DPF3: variants seen among roughly 807,000 people sequenced by gnomAD.
The protein encoded by DPF3 is zinc finger protein DPF3.
Under a neutral mutation model 56.8 loss-of-function variants are expected in DPF3, and 18 were observed. That is an observed-to-expected ratio of 0.32 (90% CI 0.22 to 0.47). DPF3 has a LOEUF of 0.47. DPF3 is among the 20% of genes least tolerant of loss of function. The pLI, the probability that DPF3 is intolerant of heterozygous loss-of-function variation, is 1.00. For synonymous variants in DPF3, 188 were observed against 180.2 expected, an observed-to-expected ratio of 1.04 and a Z score of -0.35; for missense variants, 403 against 488.8, an observed-to-expected ratio of 0.82 and a Z score of 1.65.
At chr14:72,823,369 G>A (rs1883638509) in intron 1 of DPF3, among the ~76,000 whole-genome samples, 1 of 152,176 alleles carries the variant, frequency 6.6e-6, no homozygotes. Context: ...GAGGAACAAG[G>A]GAGAGAAGGA....
intron 1 of DPF3, among the ~76,000 whole-genome samples, chr14:72,861,795 G>GAAAGAAAGAAAGA (rs1885446789): frequency 6.6e-6 from 1 of 150,712 alleles, no homozygotes; most frequent in Non-Finnish European, 1.5e-5. Flanking sequence ...AAGAAAGAAA[G>GAAAGAAAGAAAGA]AAAGAAAGAA....
At chr14:72,842,315 C>T (rs1463201292) in intron 1 of DPF3, among the ~76,000 whole-genome samples, 3 of 152,058 alleles carry the variant, frequency 2.0e-5, no homozygotes, top group Non-Finnish European at 4.4e-5. Flanking sequence ...AAGACCCAGA[C>T]CAAAAACTAC....
intron 1 of DPF3, among the ~76,000 whole-genome samples, chr14:72,858,308 C>CAAAAAA (rs34498163): frequency 8.3e-6 from 1 of 119,854 alleles, no homozygotes; most frequent in Non-Finnish European, 1.7e-5. Context: ...GACTCTATCT[C>CAAAAAA]AAAAAAAAAA....
rs550249322 is a variant in DPF3, at chr14:72,869,436, T to C, written c.32+24621A>G. 9.2e-5 allele frequency among the ~76,000 whole-genome samples: 14 copies of C among 152,288 alleles called. No homozygotes were observed. In the South Asian group the frequency reaches 2.9e-3, roughly 32 times the overall value. On this transcript the variant is annotated intron_variant, in intron 1 of 10. Coordinates refer to ENST00000556509, the MANE Select transcript of DPF3 (RefSeq NM_001280542.3). ...CATAAATGCCCAGTGCACTGTGGTC[T>C]GGGGAGACATGGATGAAGAAAAAAA...
chr14:72,767,733 T>C (rs1316345700), intron 2 of DPF3, among the ~76,000 whole-genome samples: 3 of 41,094 alleles, frequency 7.3e-5, no homozygotes, highest in Non-Finnish European at 1.6e-4. Context: ...TTCAAAGAAA[T>C]AATGGCTGAA....
chr14:72,631,549 G>A (rs1885170896), intron 8 of DPF3, among the ~76,000 whole-genome samples: 2 of 152,124 alleles, frequency 1.3e-5, no homozygotes, highest in East Asian at 3.9e-4. Context: ...GCATGAACAT[G>A]AGGTCATGGA....
At chr14:72,712,389 G>C (rs991070185) in intron 6 of DPF3, among the ~76,000 whole-genome samples, 2 of 152,202 alleles carry the variant, frequency 1.3e-5, no homozygotes, top group Non-Finnish European at 2.9e-5. Context: ...GCAGAAGTCA[G>C]AGGCAAAGGT....
rs10545910 is a variant in DPF3 at position 72,881,294 on chromosome 14, C to CTGTTGTTGTTGT, written c.32+12751_32+12762dup. ...AGATCTCATTCTCTAAAATTCAGAG[C>CTGTTGTTGTTGT]TGTTGTTGTTGTTGTTGTTGTTGTT... On this transcript the variant is annotated intron_variant, in intron 1 of 10. Transcript: ENST00000556509. Among the ~76,000 whole-genome samples the CTGTTGTTGTTGT allele has an allele frequency of 1.1e-3, 163 of 151,150 alleles. 1 individual carries two copies. The highest frequency in any genetic ancestry group is 3.2e-3 in the Admixed American group (48 of 15,168).
At chr14:72,688,220 G>A (rs908128983) in intron 7 of DPF3, among the ~76,000 whole-genome samples, 3 of 131,354 alleles carry the variant, frequency 2.3e-5, no homozygotes. Flanking sequence ...GTGGGTGGAT[G>A]GATGGATGGA....
chr14:72,875,281 C>T (rs1886068696), intron 1 of DPF3, among the ~76,000 whole-genome samples: 1 of 152,098 alleles, frequency 6.6e-6, no homozygotes, highest in Non-Finnish European at 1.5e-5. Flanking sequence ...GTGGTGCACA[C>T]CTGTGGTCCC....
chr14:72,619,369 T>A lies in DPF3; in HGVS notation c.1067-2A>T, dbSNP rs1884277711. On this transcript the variant is annotated splice_acceptor_variant, in intron 10 of 10. Coordinates refer to ENST00000556509, the MANE Select transcript of DPF3 (RefSeq NM_001280542.3). LOFTEE classifies it high-confidence loss of function. ...AGCATAAGTGGCAGCTCCAGCTTCC[T>A]GCAAGAAATGAGACGGCTTTAGTAG... 3 of 1,536,006 alleles carry A rather than the reference T, an allele frequency of 2.0e-6. No homozygotes were observed. The highest frequency in any genetic ancestry group is 1.4e-5 in the African/African-American group (1 of 73,048).
At chr14:72,710,843 G>C (rs1347599798) in intron 6 of DPF3, among the ~76,000 whole-genome samples, 2 of 152,218 alleles carry the variant, frequency 1.3e-5, no homozygotes, top group Admixed American at 1.3e-4. Context: ...AATTAAAAGA[G>C]ACTGGTTACT....
intron 3 of DPF3, among the ~76,000 whole-genome samples, chr14:72,743,879 C>A (rs974986532): frequency 6.6e-6 from 1 of 152,216 alleles, no homozygotes; most frequent in African/African-American, 2.4e-5. Context: ...ACCTTGCATT[C>A]GCCTCTGTGG....
Position 72,714,408 on chromosome 14 carries a change from C to G in DPF3, c.604+15G>C. On this transcript the variant is annotated intron_variant, in intron 6 of 10. Coordinates refer to ENST00000556509, the MANE Select transcript of DPF3 (RefSeq NM_001280542.3). ...CGCACAGGGAGGAAGGAAGGTGGGACCGGCCCATACTTACTGTCACAGACG... is the reference window on the plus strand; with the variant it reads ...CGCACAGGGAGGAAGGAAGGTGGGAGCGGCCCATACTTACTGTCACAGACG... The G allele has an allele frequency of 6.2e-7, 1 of 1,612,964 alleles. No individual in the cohort carries two copies.
chr14:72,857,735 C>G (rs987750126), intron 1 of DPF3, among the ~76,000 whole-genome samples: 4 of 152,010 alleles, frequency 2.6e-5, no homozygotes, highest in South Asian at 4.2e-4. Flanking sequence ...TACAGGCACA[C>G]GCCACCATGC....
chr14:72,875,560 T>C (rs775840869), intron 1 of DPF3, among the ~76,000 whole-genome samples: 7 of 152,218 alleles, frequency 4.6e-5, no homozygotes, highest in Non-Finnish European at 7.3e-5. Context: ...CCCAAGGCCA[T>C]AGGGCTTGAA....
In DPF3 at chr14:72,892,397, C is replaced by T. The variant is rs1425038686; in HGVS notation, c.32+1660G>A. On this transcript the variant is annotated intron_variant, in intron 1 of 10. Coordinates refer to ENST00000556509, the MANE Select transcript of DPF3 (RefSeq NM_001280542.3). ...TTCAAGCGCAGTGTATCCGAGCTTC[C>T]GAGCCAGAACTGAAGCCAGGAGCTC... 12 of 1,506,014 alleles carry T rather than the reference C, an allele frequency of 8.0e-6. No homozygotes were observed. The South Asian group carries it at 1.2e-4, about 14-fold the overall frequency. The allele number at this position is 1,506,014 out of a possible 1,614,324, so 93.3% of individuals were successfully genotyped here. A position where few individuals can be genotyped will look rare whatever the true frequency, so the allele number is the denominator to read the frequency against.
At chr14:72,891,413 T>C (rs1886748422) in intron 1 of DPF3, among the ~76,000 whole-genome samples, 1 of 151,244 alleles carries the variant, frequency 6.6e-6, no homozygotes, top group African/African-American at 2.4e-5. Context: ...CACATGAGGA[T>C]AAAAACATAG....
intron 7 of DPF3, 44 bp downstream of exon 7, chr14:72,693,032 T>C: frequency 6.2e-7 from 1 of 1,612,092 alleles, no homozygotes; most frequent in Non-Finnish European, 8.5e-7. Context: ...CCAGCCTGTC[T>C]AACCCACTTC....
Sources: gnomAD v4.1 joint callset for allele counts (sites outside exome capture counted in the v4.1 genomes callset) on GRCh38, gnomAD v4.1.1 for gene constraint, MANE v1.5 for transcripts, NCBI Gene and HGNC (gene_info 2026-07-23, HGNC 2026-07-21) for gene names.